The following ZSCAN5A variants were observed in gnomAD, a reference collection of about 807,000 sequenced individuals.
ZSCAN5A encodes zinc finger and SCAN domain containing 5A.
ZSCAN5A carries 12 observed loss-of-function variants against 23.7 expected under a neutral mutation model. The ratio of observed to expected loss-of-function variants is 0.51; its 90% confidence interval spans 0.32 to 0.82. The LOEUF (loss-of-function observed/expected upper bound fraction) is 0.82. Ranked by LOEUF, ZSCAN5A falls within the 40% of genes least tolerant of loss-of-function variation. ZSCAN5A has a pLI of 0.03. For missense variants in ZSCAN5A, 597 were observed against 617.9 expected (o/e 0.97, Z 0.36); for synonymous variants, 257 against 239.9 (o/e 1.07, Z -0.66).
chr19:56,327,858 A>C (rs1047069753), intron 2 of ZSCAN5A, among the ~76,000 whole-genome samples: 1 of 152,116 alleles, frequency 6.6e-6, no homozygotes, highest in African/African-American at 2.4e-5. Context: ...GTAGTATTAC[A>C]TAAGTATCCA....
At chr19:56,305,297 C>T (rs527413905) in intron 2 of ZSCAN5A, among the ~76,000 whole-genome samples, 1 of 152,328 alleles carries the variant, frequency 6.6e-6, no homozygotes, top group African/African-American at 2.4e-5. Context: ...TCTCTGAGAA[C>T]TCACCTACTC....
intron 2 of ZSCAN5A, among the ~76,000 whole-genome samples, chr19:56,267,591 C>G (rs955529631): frequency 6.6e-6 from 1 of 152,194 alleles, no homozygotes; most frequent in African/African-American, 2.4e-5. Context: ...CTGGGTAGCA[C>G]GGATACAGGA....
chr19:56,223,986 C>T (rs2033624123), intron 3 of ZSCAN5A, 152 bp from the exon 4 acceptor site: 1 of 747,808 alleles, frequency 1.3e-6, no homozygotes, highest in Non-Finnish European at 2.1e-6. Flanking sequence ...ACACAGCAAT[C>T]CTGTCTGAAT....
chr19:56,259,795 G>A (rs1297056374), intron 2 of ZSCAN5A, among the ~76,000 whole-genome samples: 9 of 152,142 alleles, frequency 5.9e-5, no homozygotes, highest in South Asian at 4.1e-4. Flanking sequence ...GCAATGTAAC[G>A]AAACCCCATC....
chr19:56,301,827 TG>T, intron 2 of ZSCAN5A: 1 of 954,406 alleles, frequency 1.0e-6, no homozygotes, highest in Non-Finnish European at 1.4e-6. Context: ...GCAGTGATGG[TG>T]GGTGTGGACC....
At chr19:56,304,343 G>T (rs2040543891) in intron 2 of ZSCAN5A, among the ~76,000 whole-genome samples, 1 of 152,222 alleles carries the variant, frequency 6.6e-6, no homozygotes, top group African/African-American at 2.4e-5. Flanking sequence ...CTGAAACGGG[G>T]GTGACGTTGC....
chr19:56,252,020 C>T (rs1429900916), intron 2 of ZSCAN5A, among the ~76,000 whole-genome samples: 1 of 152,152 alleles, frequency 6.6e-6, no homozygotes. Flanking sequence ...TTATTGACCA[C>T]AACATGGGCC....
chr19:56,244,061 T>C (rs1281664080), intron 2 of ZSCAN5A: 1 of 1,075,124 alleles, frequency 9.3e-7, no homozygotes, highest in Non-Finnish European at 1.4e-6. Context: ...AAATTGCAAC[T>C]CCTCATGGGG....
At position 56,223,783 on chromosome 19, in the gene ZSCAN5A, C is replaced by G. The variant is rs145011101; in HGVS notation, c.436G>C (p.Glu146Gln). ...KEYIVQDSDIEMAEAPSSVRD... is the reference protein window; with the variant it reads ...KEYIVQDSDIQMAEAPSSVRD... ...ACACTGGAGGGGGCTTCAGCCATCT[C>G]GATATCTGAGTCCTGCACAATATAT... is the stretch of plus-strand genomic sequence containing the variant. Residue 146 changes from glutamate (E) to glutamine (Q), a missense_variant, in exon 4 of 6, where the codon GAG becomes CAG. Transcript: ENST00000683990. The G allele has an allele frequency of 4.0e-5, 64 of 1,613,832 alleles. No individual in the cohort carries two copies. The African/African-American group carries it at 6.9e-4, about 17-fold the overall frequency.
chr19:56,353,495 C>T (rs1207193841), intron 2 of ZSCAN5A, among the ~76,000 whole-genome samples: 4 of 152,068 alleles, frequency 2.6e-5, no homozygotes, highest in Non-Finnish European at 2.9e-5. Flanking sequence ...TGAGGCCGGG[C>T]GCGGTGGCTC....
chr19:56,227,308 A>C (rs2034045673), intron 2 of ZSCAN5A, among the ~76,000 whole-genome samples: 1 of 152,232 alleles, frequency 6.6e-6, no homozygotes, highest in South Asian at 2.1e-4. Context: ...TTTAGTTTTC[A>C]ATTAGAAGCA....
chr19:56,293,584 G>A (rs1032473812), intron 2 of ZSCAN5A, among the ~76,000 whole-genome samples: 3 of 152,182 alleles, frequency 2.0e-5, no homozygotes, highest in African/African-American at 7.2e-5. Flanking sequence ...TCGGACCCTC[G>A]CCTCCTGAAG....
intron 2 of ZSCAN5A, among the ~76,000 whole-genome samples, chr19:56,268,679 CA>C (rs1336891373): frequency 1.3e-5 from 2 of 152,054 alleles, no homozygotes; most frequent in Non-Finnish European, 2.9e-5. Flanking sequence ...GTGTACAATT[CA>C]GTGGCCTTTA....
intron 1 of ZSCAN5A, chr19:56,367,729 A>C (rs1442312881): frequency 1.3e-5 from 2 of 152,276 alleles, no homozygotes; most frequent in African/African-American, 4.8e-5. Context: ...GCTCATAAAG[A>C]TTAAACAATT....
chr19:56,240,046 C>T (rs532107679), intron 2 of ZSCAN5A, among the ~76,000 whole-genome samples: 2 of 152,158 alleles, frequency 1.3e-5, no homozygotes, highest in East Asian at 3.9e-4. Context: ...CCTGTAATCC[C>T]AGCTACTCAT....
intron 2 of ZSCAN5A, chr19:56,295,814 T>C: frequency 6.5e-6 from 1 of 153,368 alleles, no homozygotes; most frequent in Non-Finnish European, 1.5e-5. Flanking sequence ...TGTGCTCCCA[T>C]CGCTCTGTCT....
intron 2 of ZSCAN5A, among the ~76,000 whole-genome samples, chr19:56,273,636 G>C (rs989892077): frequency 6.6e-6 from 1 of 152,124 alleles, no homozygotes; most frequent in Admixed American, 6.5e-5. Flanking sequence ...CAAAGGTCCT[G>C]GGGCAGAAGG....
chr19:56,304,691 G>A, intron 2 of ZSCAN5A: 2 of 653,340 alleles, frequency 3.1e-6, no homozygotes, highest in Non-Finnish European at 3.8e-6. Flanking sequence ...GGACGGGAAA[G>A]AAGCGAGAGG....
chr19:56,273,040 T>G (rs1180744371), intron 2 of ZSCAN5A: 1 of 254,372 alleles, frequency 3.9e-6, no homozygotes, highest in Non-Finnish European at 6.2e-6. Flanking sequence ...GCTTCCCATT[T>G]AGACATTCAC....
Sources: gnomAD v4.1 joint callset for allele counts (sites outside exome capture counted in the v4.1 genomes callset) on GRCh38, gnomAD v4.1.1 for gene constraint, MANE v1.5 for transcripts, NCBI Gene and HGNC (gene_info 2026-07-23, HGNC 2026-07-21) for gene names.